TEKT1: variants seen among roughly 807,000 people sequenced by gnomAD.
TEKT1 encodes tektin 1.
TEKT1 carries 32 observed loss-of-function variants against 34.8 expected under a neutral mutation model. That is an observed-to-expected ratio of 0.92 (90% CI 0.69 to 1.23). The LOEUF (loss-of-function observed/expected upper bound fraction) is 1.23. Ranked by LOEUF, TEKT1 falls within the 50% of genes most tolerant of loss-of-function variation. The pLI, the probability that TEKT1 is intolerant of heterozygous loss-of-function variation, is 0.00. For synonymous variants in TEKT1, 207 were observed against 199.8 expected, an observed-to-expected ratio of 1.04 and a Z score of -0.30; for missense variants, 492 against 518.5, an observed-to-expected ratio of 0.95 and a Z score of 0.50.
intron 4 of TEKT1, 136 bp from the exon 5 acceptor site, chr17:6,815,442 C>A: frequency 9.8e-7 from 1 of 1,023,048 alleles, no homozygotes; most frequent in Admixed American, 1.9e-5. Flanking sequence ...CCCATCACCC[C>A]AACACTCATG....
intron 6 of TEKT1, among the ~76,000 whole-genome samples, chr17:6,802,265 C>T (rs1976784290): frequency 6.6e-6 from 1 of 152,122 alleles, no homozygotes; most frequent in Admixed American, 6.5e-5. Context: ...AAGTCCGGTT[C>T]ACAGATATAC....
In TEKT1 at chr17:6,819,486, TG is replaced by T. The variant is rs376531946; in HGVS notation, c.191-129del. ...CTTTTCCTCTTAGTGCTGTGCTATT[TG>T]GGGCATCTTTTCATCTTTTTAAATG... On this transcript the variant is annotated intron_variant, in intron 2 of 7. Transcript: ENST00000338694. 187 of 887,526 alleles carry T rather than the reference TG, an allele frequency of 2.1e-4. 1 individual carries two copies. The South Asian group carries it at 4.2e-3, about 20-fold the overall frequency. The allele number at this position is 887,526 out of a possible 1,614,324, so 55.0% of individuals were successfully genotyped here. A position where few individuals can be genotyped will look rare whatever the true frequency, so the allele number is the denominator to read the frequency against.
chr17:6,805,743 G>T (rs541602929), intron 6 of TEKT1, among the ~76,000 whole-genome samples: 1 of 152,304 alleles, frequency 6.6e-6, no homozygotes, highest in Admixed American at 6.5e-5. Context: ...TCATTCAGGA[G>T]CAGGTTGTTC....
At chr17:6,820,523 G>GACATTATGAGATAGTAAAATGGGTAGCAT (rs1162182758) in intron 2 of TEKT1, among the ~76,000 whole-genome samples, 2 of 152,058 alleles carry the variant, frequency 1.3e-5, no homozygotes, top group African/African-American at 4.8e-5. Context: ...TTTACAACAT[G>GACATTATGAGATAGTAAAATGGGTAGCAT]ACATTATGAG....
intron 6 of TEKT1, among the ~76,000 whole-genome samples, chr17:6,808,836 A>G (rs1976886469): frequency 1.3e-5 from 2 of 152,204 alleles, no homozygotes; most frequent in Admixed American, 1.3e-4. Flanking sequence ...AATTTTACAA[A>G]TACCTTAACC....
In TEKT1 at chr17:6,813,068, A is replaced by G. The variant is rs998723961; in HGVS notation, c.630-15T>C. 2 of 1,603,500 alleles carry G rather than the reference A, an allele frequency of 1.2e-6. No homozygotes were observed. Among genetic ancestry groups the G allele is most frequent in the African/African-American group, 2.7e-5 (2 of 74,800 alleles). Reference sequence around the variant, plus strand: ...GACTCACGGAGCTGAAACAGACCTCACGCTTTCATTCACAGCATATTTGGG... The same window carrying G: ...GACTCACGGAGCTGAAACAGACCTCGCGCTTTCATTCACAGCATATTTGGG... On this transcript the variant is annotated splice_polypyrimidine_tract_variant and intron_variant, in intron 5 of 7. Coordinates refer to ENST00000338694, the MANE Select transcript of TEKT1 (RefSeq NM_053285.2).
In TEKT1 at chr17:6,800,887, G is replaced by A. The variant is rs1340523327; in HGVS notation, c.909C>T (p.Ile303=). Residue 303 remains isoleucine, a synonymous_variant, in exon 7 of 8, where the codon ATC becomes ATT. Coordinates refer to ENST00000338694, the MANE Select transcript of TEKT1 (RefSeq NM_053285.2). ...EKNITALEKA[I]LDQEGPAKVA... ...CCTTGGCTGGCCCTTCTTGGTCAAGGATGGCCTTTTCAAGAGCTGTAATAT... is the reference window on the plus strand; with the variant it reads ...CCTTGGCTGGCCCTTCTTGGTCAAGAATGGCCTTTTCAAGAGCTGTAATAT... 7.4e-6 allele frequency: 12 copies of A among 1,614,026 alleles called. No individual in the cohort carries two copies. The highest frequency in any genetic ancestry group is 1.0e-5 in the Non-Finnish European group (12 of 1,180,016).
chr17:6,815,029 C>A, intron 5 of TEKT1, 134 bp downstream of exon 5: 1 of 1,094,534 alleles, frequency 9.1e-7, no homozygotes, highest in Non-Finnish European at 1.3e-6. Flanking sequence ...GTCAAGGTCA[C>A]CATTCAATGC....
intron 4 of TEKT1, 73 bp from the exon 5 acceptor site, chr17:6,815,379 T>C (rs1976990601): frequency 1.3e-6 from 2 of 1,590,198 alleles, no homozygotes; most frequent in African/African-American, 1.3e-5. Flanking sequence ...AGAGAGGTCC[T>C]GGAAAGTGAA....
rs1460649244 is a variant in TEKT1 at position 6,799,774 on chromosome 17, C to G, written c.*253G>C. 2.6e-6 allele frequency: 1 copy of G among 384,842 alleles called. No individual in the cohort carries two copies. The allele number at this position is 384,842 out of a possible 1,614,324, so 23.8% of individuals were successfully genotyped here. A position where few individuals can be genotyped will look rare whatever the true frequency, so the allele number is the denominator to read the frequency against. ...GAACTGAAATGTCTTGAAACCCTGT[C>G]CTGGGGCCCCAAGTCCTGTGATATT... On this transcript the variant is annotated 3_prime_UTR_variant, in exon 8 of 8. Coordinates refer to ENST00000338694, the MANE Select transcript of TEKT1 (RefSeq NM_053285.2).
At chr17:6,829,529 T>A (rs1904503993) in intron 2 of TEKT1, among the ~76,000 whole-genome samples, 2 of 134,902 alleles carry the variant, frequency 1.5e-5, no homozygotes, top group South Asian at 2.4e-4. Context: ...TTTTTTTTTT[T>A]ATGAAACAGG....
intron 2 of TEKT1, among the ~76,000 whole-genome samples, chr17:6,824,973 A>G (rs2151591335): frequency 6.6e-6 from 1 of 152,360 alleles, no homozygotes; most frequent in East Asian, 1.9e-4. Context: ...AATAACACAA[A>G]GAAAATAGTG....
chr17:6,819,162 C>T (rs367659223), intron 3 of TEKT1, 31 bp downstream of exon 3: 15 of 1,601,602 alleles, frequency 9.4e-6, no homozygotes, highest in Non-Finnish European at 1.2e-5. Context: ...TGTCACAACA[C>T]ATGAATCATT....
At chr17:6,823,476 C>T (rs1279473623) in intron 2 of TEKT1, among the ~76,000 whole-genome samples, 1 of 152,152 alleles carries the variant, frequency 6.6e-6, no homozygotes, top group Non-Finnish European at 1.5e-5. Context: ...GTATGCATCT[C>T]AATCTCTCTC....
At chr17:6,823,569 G>A (rs528205733) in intron 2 of TEKT1, among the ~76,000 whole-genome samples, 1 of 152,246 alleles carries the variant, frequency 6.6e-6, no homozygotes, top group Admixed American at 6.5e-5. Context: ...AATTCTAAAA[G>A]GAAGAGAAGA....
intron 6 of TEKT1, among the ~76,000 whole-genome samples, chr17:6,804,083 T>C (rs1440024478): frequency 1.3e-5 from 2 of 152,244 alleles, no homozygotes; most frequent in Non-Finnish European, 2.9e-5. Flanking sequence ...TGATTCTTCC[T>C]ACCCATGAGC....
At chr17:6,816,098 T>C (rs1349673489) in intron 3 of TEKT1, 136 bp from the exon 4 acceptor site, 1 of 1,230,242 alleles carries the variant, frequency 8.1e-7, no homozygotes, top group East Asian at 2.6e-5. Context: ...ACACAGTGGG[T>C]GACAGATATT....
At position 6,800,813 on chromosome 17, in the gene TEKT1, A is replaced by C. The variant is rs750118106; in HGVS notation, c.983T>G (p.Leu328Arg). ...CCTATATTGTGCGACATCACGACAC[A>C]GCTCCACGTTCGGCCGGTGTGTCCT... ...ETRTHRPNVELCRDVAQYRLM... is the reference protein window; with the variant it reads ...ETRTHRPNVERCRDVAQYRLM... Residue 328 changes from leucine (L) to arginine (R), a missense_variant, in exon 7 of 8, where the codon CTG becomes CGG. By Grantham distance (102) the Leu-to-Arg change is moderately radical. Transcript: ENST00000338694. The C allele has an allele frequency of 3.4e-5, 55 of 1,614,080 alleles. No homozygotes were observed. The South Asian group carries it at 4.4e-4, about 13-fold the overall frequency.
intron 6 of TEKT1, among the ~76,000 whole-genome samples, chr17:6,801,538 A>T (rs1375373795): frequency 6.6e-6 from 1 of 151,830 alleles, no homozygotes; most frequent in Non-Finnish European, 1.5e-5. Context: ...GAAACCCCCA[A>T]CTCTACTAAA....
Sources: allele counts gnomAD v4.1 joint callset (sites outside exome capture counted in the v4.1 genomes callset), GRCh38; gene constraint gnomAD v4.1.1; transcripts MANE v1.5; gene names NCBI Gene and HGNC (gene_info 2026-07-23, HGNC 2026-07-21).